The following POLN variants were observed in gnomAD, a reference collection of about 807,000 sequenced individuals.
POLN encodes the protein DNA polymerase N.
Under a neutral mutation model 113.5 loss-of-function variants are expected in POLN, and 108 were observed. That is an observed-to-expected ratio of 0.95 (90% CI 0.81 to 1.12). The LOEUF is 1.12. Among genes scored for constraint, POLN ranks in the 50% most tolerant of loss-of-function variants. The pLI, the probability that POLN is intolerant of heterozygous loss-of-function variation, is 0.00. For missense variants in POLN, 1,097 were observed against 1,077.1 expected (o/e 1.02, Z -0.26); for synonymous variants, 386 against 391.5 (o/e 0.99, Z 0.17).
intron 16 of POLN, among the ~76,000 whole-genome samples, chr4:2,150,427 G>A (rs1042615635): frequency 1.3e-5 from 2 of 152,066 alleles, no homozygotes; most frequent in African/African-American, 4.8e-5. Flanking sequence ...TCGATTCAAG[G>A]TAATCCCAAT....
intron 20 of POLN, chr4:2,090,301 G>A: frequency 1.3e-6 from 1 of 796,632 alleles, no homozygotes. Flanking sequence ...TTGTTCTTCA[G>A]AACTGATTCA....
At chr4:2,092,745 A>G (rs1460960673) in intron 20 of POLN, among the ~76,000 whole-genome samples, 1 of 152,244 alleles carries the variant, frequency 6.6e-6, no homozygotes, top group Non-Finnish European at 1.5e-5. Context: ...ATGTTATGTG[A>G]AAACACGTCA....
chr4:2,208,267 T>C lies in POLN; in HGVS notation c.434A>G (p.Asn145Ser). 2 of 1,588,750 alleles carry C rather than the reference T, an allele frequency of 1.3e-6. No homozygotes were observed. Among genetic ancestry groups the C allele is most frequent in the Non-Finnish European group, 8.6e-7 (1 of 1,162,034 alleles). Residue 145 changes from asparagine to serine, a missense_variant, in exon 5 of 26, where the codon AAT becomes AGT. Asn to Ser is a conservative substitution (Grantham distance 46). Transcript: ENST00000511885. ...ATTAATGCTTCCTTTATTTTCATTATTTATATTCTCCATTAGGAAATGCTT... is the reference window on the plus strand; with the variant it reads ...ATTAATGCTTCCTTTATTTTCATTACTTATATTCTCCATTAGGAAATGCTT... ...KRKHFLMENI[N>S]NENKGSINLK... is the part of the protein sequence containing the mutation.
intron 2 of POLN, 118 bp from the exon 3 acceptor site, chr4:2,229,361 A>G (rs1284603117): frequency 1.2e-6 from 1 of 856,000 alleles, no homozygotes; most frequent in Non-Finnish European, 1.7e-6. Context: ...GTCTATATTC[A>G]TAACCACAGA....
chr4:2,222,159 T>C (rs1433281955), intron 3 of POLN, among the ~76,000 whole-genome samples: 1 of 152,188 alleles, frequency 6.6e-6, no homozygotes, highest in Non-Finnish European at 1.5e-5. Flanking sequence ...TCAAGATTTT[T>C]TTTTTCTTGG....
chr4:2,202,333 G>C (rs1156464060), intron 5 of POLN, among the ~76,000 whole-genome samples: 1 of 152,104 alleles, frequency 6.6e-6, no homozygotes, highest in Non-Finnish European at 1.5e-5. Context: ...ATACACTTAA[G>C]GTAAGAGTGG....
At chr4:2,164,606 C>G (rs1732681874) in intron 13 of POLN, among the ~76,000 whole-genome samples, 2 of 150,174 alleles carry the variant, frequency 1.3e-5, no homozygotes, top group South Asian at 4.2e-4. Flanking sequence ...AGTTTGAGAC[C>G]AGCCTGGCCA....
chr4:2,167,767 C>G (rs775202204), intron 13 of POLN, among the ~76,000 whole-genome samples: 2 of 152,066 alleles, frequency 1.3e-5, no homozygotes, highest in Non-Finnish European at 2.9e-5. Context: ...GGTGTGGTGG[C>G]AGGTGCATAT....
In POLN at chr4:2,181,237, C is replaced by G. The variant is rs141588399; in HGVS notation, c.1022-1772G>C. On this transcript the variant is annotated intron_variant, in intron 7 of 25. Coordinates refer to ENST00000511885, the MANE Select transcript of POLN (RefSeq NM_181808.4). ...TCGGCTCACTGCAACCTCTGCCTCT[C>G]AGGTTCAAGTGATTATCCTGCCTCA... 7.5e-3 allele frequency among the ~76,000 whole-genome samples: 1,136 copies of G among 152,244 alleles called. 5 individuals are homozygous for G. The highest frequency in any genetic ancestry group is 0.012 in the Non-Finnish European group (800 of 68,022).
At chr4:2,103,172 A>C (rs1730969373) in intron 19 of POLN, among the ~76,000 whole-genome samples, 2 of 152,168 alleles carry the variant, frequency 1.3e-5, no homozygotes, top group Non-Finnish European at 2.9e-5. Context: ...AATACAAAGA[A>C]CTCAGAAAAT....
intron 13 of POLN, among the ~76,000 whole-genome samples, chr4:2,165,069 C>T (rs1029899336): frequency 3.9e-5 from 6 of 152,162 alleles, no homozygotes; most frequent in African/African-American, 1.4e-4. Context: ...AGCAATCATA[C>T]TCTTTGGTGC....
At chr4:2,124,996 C>T (rs1731543200) in intron 19 of POLN, among the ~76,000 whole-genome samples, 2 of 152,172 alleles carry the variant, frequency 1.3e-5, no homozygotes, top group South Asian at 4.1e-4. Flanking sequence ...TAAATGAGGT[C>T]TTCAACCAGG....
At chr4:2,151,406 T>C (rs1257805443) in intron 16 of POLN, among the ~76,000 whole-genome samples, 3 of 151,988 alleles carry the variant, frequency 2.0e-5, no homozygotes, top group Non-Finnish European at 4.4e-5. Flanking sequence ...AGTTTGGCAG[T>C]TGCTTAAAAA....
At chr4:2,154,198 C>CAAAAAA (rs58879582) in intron 16 of POLN, among the ~76,000 whole-genome samples, 5 of 63,924 alleles carry the variant, frequency 7.8e-5, no homozygotes, top group Middle Eastern at 0.019. Context: ...TCCATCTCAA[C>CAAAAAA]AAAAAAAAAA....
chr4:2,118,075 A>G (rs1340817271), intron 19 of POLN, among the ~76,000 whole-genome samples: 1 of 152,328 alleles, frequency 6.6e-6, no homozygotes, highest in South Asian at 2.1e-4. Flanking sequence ...ACACACCCAC[A>G]GTTAATTTGG....
chr4:2,079,827 C>T, intron 23 of POLN: 1 of 970,534 alleles, frequency 1.0e-6, no homozygotes, highest in South Asian at 4.8e-5. Flanking sequence ...TCAGGTGATC[C>T]ACCCGTCTCG....
intron 13 of POLN, among the ~76,000 whole-genome samples, chr4:2,163,051 A>AAAT (rs1732639892): frequency 7.4e-6 from 1 of 134,748 alleles, no homozygotes; most frequent in East Asian, 2.1e-4. Flanking sequence ...AAAAAAAAAA[A>AAAT]CTCCTGCCAG....
At chr4:2,120,622 T>C (rs1283452576) in intron 19 of POLN, among the ~76,000 whole-genome samples, 1 of 152,094 alleles carries the variant, frequency 6.6e-6, no homozygotes, top group Non-Finnish European at 1.5e-5. Flanking sequence ...GTCTCTCGAA[T>C]AATTGGGATT....
At chr4:2,187,921 G>T (rs1733319827) in intron 7 of POLN, among the ~76,000 whole-genome samples, 1 of 152,056 alleles carries the variant, frequency 6.6e-6, no homozygotes, top group African/African-American at 2.4e-5. Context: ...CAGCAGCCAG[G>T]ACAACATAGT....
Sources: allele counts gnomAD v4.1 joint callset (sites outside exome capture counted in the v4.1 genomes callset), GRCh38; gene constraint gnomAD v4.1.1; transcripts MANE v1.5; gene names NCBI Gene and HGNC (gene_info 2026-07-23, HGNC 2026-07-21).